The following GPC3 variants were observed in gnomAD, a reference collection of about 807,000 sequenced individuals.
GPC3 encodes the protein glypican-3.
A neutral mutation model predicts 34.4 loss-of-function variants in GPC3; 3 were observed. The observed-to-expected ratio is 0.09, with a 90% confidence interval of 0.04 to 0.23. The LOEUF (loss-of-function observed/expected upper bound fraction) is 0.23, where lower values mean the gene tolerates loss of function less well. Ranked by LOEUF, GPC3 falls within the 10% of genes least tolerant of loss-of-function variation. The probability of loss-of-function intolerance (pLI) is 1.00; values close to 1 mark genes in which losing one functional copy is unlikely to be tolerated. For missense variants in GPC3, 351 were observed against 445.6 expected, an observed-to-expected ratio of 0.79 and a Z score of 1.91; for synonymous variants, 177 against 174.0, an observed-to-expected ratio of 1.02 and a Z score of -0.13.
At chrX:133,863,199 T>C (rs189778202) in intron 2 of GPC3, among the ~76,000 whole-genome samples, 4 of 112,360 alleles carry the variant, frequency 3.6e-5, no homozygotes, top group African/African-American at 9.7e-5. Context: ...AAATAAAACA[T>C]CTTTGCAATA....
At chrX:133,923,131 TACACAC>T (rs375148219) in intron 2 of GPC3, among the ~76,000 whole-genome samples, 224 of 107,860 alleles carry the variant, frequency 2.1e-3, no homozygotes, top group Non-Finnish European at 3.0e-3. Context: ...TACACGCGTG[TACACAC>T]ACACACACAC....
At chrX:133,774,157 A>G (rs992423177) in intron 2 of GPC3, among the ~76,000 whole-genome samples, 8 of 112,348 alleles carry the variant, frequency 7.1e-5, no homozygotes, top group African/African-American at 2.3e-4. Context: ...ATGCTGGCAG[A>G]CTGGCTGCTA....
intron 2 of GPC3, among the ~76,000 whole-genome samples, chrX:133,921,777 C>T (rs983303527): frequency 2.7e-5 from 3 of 112,234 alleles, no homozygotes; most frequent in African/African-American, 6.5e-5. Context: ...TTTACTAAAA[C>T]GTTGGCCCTG....
intron 2 of GPC3, among the ~76,000 whole-genome samples, chrX:133,904,327 G>T (rs1425310111): frequency 2.7e-5 from 3 of 111,334 alleles, no homozygotes; most frequent in African/African-American, 9.8e-5. Context: ...TGTTAATAAA[G>T]GAATAATTCT....
intron 2 of GPC3, among the ~76,000 whole-genome samples, chrX:133,942,836 C>G (rs2076350620): frequency 8.9e-6 from 1 of 111,762 alleles, no homozygotes; most frequent in South Asian, 3.7e-4. Flanking sequence ...AAATAGATAA[C>G]AATTCTTTCT....
intron 1 of GPC3, among the ~76,000 whole-genome samples, chrX:133,962,122 T>A (rs907470517): frequency 4.5e-5 from 5 of 111,789 alleles, no homozygotes; most frequent in African/African-American, 1.6e-4. Context: ...ATGTGAACCC[T>A]GCTATAAGAT....
At chrX:133,796,191 C>T (rs376732510) in intron 2 of GPC3, among the ~76,000 whole-genome samples, 164 of 111,142 alleles carry the variant, frequency 1.5e-3, no homozygotes, top group African/African-American at 5.0e-3. Context: ...GTGATCTGCC[C>T]GCCTTGGCCT....
chrX:133,701,149 T>G (rs997799742), intron 3 of GPC3, among the ~76,000 whole-genome samples: 1 of 111,694 alleles, frequency 9.0e-6, no homozygotes, highest in African/African-American at 3.3e-5. Flanking sequence ...CTTTCTTACT[T>G]AGCTCCATTC....
At chrX:133,691,386 C>G (rs2071060744) in intron 5 of GPC3, among the ~76,000 whole-genome samples, 3 of 109,690 alleles carry the variant, frequency 2.7e-5, no homozygotes, top group Non-Finnish European at 5.7e-5. Flanking sequence ...GTAATCACAG[C>G]TACTCGGGAG....
intron 7 of GPC3, among the ~76,000 whole-genome samples, chrX:133,551,024 G>C (rs1308500852): frequency 5.4e-5 from 6 of 112,005 alleles, no homozygotes; most frequent in Admixed American, 3.8e-4. Flanking sequence ...TGCTGGGCAG[G>C]AAACAGGGTT....
intron 2 of GPC3, among the ~76,000 whole-genome samples, chrX:133,771,330 A>G (rs950551320): frequency 8.9e-6 from 1 of 112,702 alleles, no homozygotes; most frequent in Non-Finnish European, 1.9e-5. Flanking sequence ...GGCATTTTAA[A>G]CAAAATCTCT....
chrX:133,954,463 C>T (rs1462197814), intron 1 of GPC3, among the ~76,000 whole-genome samples: 7 of 111,257 alleles, frequency 6.3e-5, no homozygotes, highest in Admixed American at 9.6e-5. Flanking sequence ...CAACCTCCAC[C>T]TCCTGGGTTC....
At chrX:133,607,661 C>G (rs1194779647) in intron 6 of GPC3, among the ~76,000 whole-genome samples, 1 of 112,328 alleles carries the variant, frequency 8.9e-6, no homozygotes, top group Non-Finnish European at 1.9e-5. Context: ...CTGATTCCTG[C>G]CAGGGAGCCC....
At chrX:133,833,627 G>T (rs897701982) in intron 2 of GPC3, among the ~76,000 whole-genome samples, 6 of 111,456 alleles carry the variant, frequency 5.4e-5, no homozygotes, top group Non-Finnish European at 9.4e-5. Context: ...AATTCAAGTG[G>T]CCCCATGTGA....
intron 2 of GPC3, among the ~76,000 whole-genome samples, chrX:133,880,303 A>G (rs1381918505): frequency 1.8e-5 from 2 of 112,083 alleles, no homozygotes; most frequent in African/African-American, 6.5e-5. Flanking sequence ...ACTTTCATCA[A>G]CCTATTAATA....
intron 3 of GPC3, among the ~76,000 whole-genome samples, chrX:133,725,003 C>A (rs1053686361): frequency 8.9e-6 from 1 of 111,779 alleles, no homozygotes; most frequent in Non-Finnish European, 1.9e-5. Flanking sequence ...AGAAAGGCTG[C>A]AGTCTGTTAG....
intron 7 of GPC3, among the ~76,000 whole-genome samples, chrX:133,539,073 AC>A (rs1277331852): frequency 9.4e-6 from 1 of 106,191 alleles, no homozygotes; most frequent in Non-Finnish European, 1.9e-5. Context: ...TATAGTAATG[AC>A]CCCCAACTAC....
chrX:133,595,319 G>A (rs772082104), intron 7 of GPC3, among the ~76,000 whole-genome samples: 5 of 110,860 alleles, frequency 4.5e-5, no homozygotes, highest in African/African-American at 6.6e-5. Context: ...CTCAAGACCC[G>A]AGGTAGATTT....
intron 2 of GPC3, among the ~76,000 whole-genome samples, chrX:133,788,096 ATATATATATATATATATATATATATATG>A (rs2072122220): frequency 1.3e-5 from 1 of 79,896 alleles, no homozygotes; most frequent in Admixed American, 1.3e-4. Flanking sequence ...TTTTATATAT[ATATATATATATATATATATATATATATG>A]TATGTATATA....
Sources: allele counts gnomAD v4.1 joint callset (sites outside exome capture counted in the v4.1 genomes callset), GRCh38; gene constraint gnomAD v4.1.1; transcripts MANE v1.5; gene names NCBI Gene and HGNC (gene_info 2026-07-23, HGNC 2026-07-21).